CALN1: variants seen among roughly 807,000 people sequenced by gnomAD.
CALN1 encodes calcium-binding protein 8.
Under a neutral mutation model 30.6 loss-of-function variants are expected in CALN1, and 17 were observed. The observed-to-expected ratio is 0.56, with a 90% CI of 0.38 to 0.83. The LOEUF is 0.83. CALN1 is among the 40% of genes least tolerant of loss of function. The pLI is 0.00. For missense variants in CALN1, 291 were observed against 354.9 expected, an observed-to-expected ratio of 0.82 and a Z score of 1.45; for synonymous variants, 156 against 131.4, an observed-to-expected ratio of 1.19 and a Z score of -1.28.
At chr7:72,169,674 A>T (rs1303368240) in intron 3 of CALN1, among the ~76,000 whole-genome samples, 3 of 149,786 alleles carry the variant, frequency 2.0e-5, no homozygotes, top group Non-Finnish European at 4.4e-5. Flanking sequence ...TTTTTTTGTT[A>T]TTTTCTTTTT....
chr7:72,404,853 C>T (rs1013522749), intron 1 of CALN1, among the ~76,000 whole-genome samples: 2 of 152,222 alleles, frequency 1.3e-5, no homozygotes, highest in Admixed American at 6.5e-5. Context: ...GCACAGTACC[C>T]ACTGAAAGTC....
chr7:72,372,620 T>C lies in CALN1; in HGVS notation c.119+30631A>G, dbSNP rs114026536. ...TGAACAATGGAGTAGACAATAGCTT[T>C]GGTGCCAAACTAGTCACTGGCGTCA... On this transcript the variant is annotated intron_variant, in intron 2 of 6. Transcript: ENST00000395275. Among the ~76,000 whole-genome samples, 853 of 152,292 alleles carry C rather than the reference T, an allele frequency of 5.6e-3. 8 individuals carry two copies. The highest frequency in any genetic ancestry group is 0.018 in the African/African-American group (751 of 41,560).
intron 5 of CALN1, among the ~76,000 whole-genome samples, chr7:71,986,704 C>T (rs1292187524): frequency 6.6e-6 from 1 of 152,184 alleles, no homozygotes; most frequent in Non-Finnish European, 1.5e-5. Context: ...CAATATTTCA[C>T]CTCTTTAGAA....
At chr7:72,410,357 G>C in intron 1 of CALN1, among the ~76,000 whole-genome samples, 1 of 152,194 alleles carries the variant, frequency 6.6e-6, no homozygotes, top group African/African-American at 2.4e-5. Context: ...GCACAAAAAA[G>C]AAATCTAAAA....
At chr7:72,399,264 C>A (rs1443237699) in intron 2 of CALN1, among the ~76,000 whole-genome samples, 1 of 122,054 alleles carries the variant, frequency 8.2e-6, no homozygotes, top group Non-Finnish European at 1.6e-5. Context: ...TTTGTCTAAC[C>A]TATTGCTTTT....
chr7:72,450,196 C>A (rs1032801869), upstream of CALN1, among the ~76,000 whole-genome samples: 12 of 152,114 alleles, frequency 7.9e-5, no homozygotes, highest in African/African-American at 2.7e-4. Context: ...ACAGAGTAAG[C>A]TCTTGTCTTT....
chr7:71,983,146 T>C (rs1798486010), intron 5 of CALN1, among the ~76,000 whole-genome samples: 1 of 151,974 alleles, frequency 6.6e-6, no homozygotes, highest in Non-Finnish European at 1.5e-5. Context: ...CAGCTGGGAG[T>C]CCCACTCAGG....
chr7:72,310,222 GA>G (rs1799948450), intron 2 of CALN1, among the ~76,000 whole-genome samples: 1 of 151,612 alleles, frequency 6.6e-6, no homozygotes, highest in Non-Finnish European at 1.5e-5. Context: ...AAAAACCCTA[GA>G]CAGCACAATG....
intron 5 of CALN1, among the ~76,000 whole-genome samples, chr7:71,874,107 T>C (rs889186937): frequency 6.6e-6 from 1 of 151,780 alleles, no homozygotes; most frequent in African/African-American, 2.4e-5. Context: ...ACATCCCATC[T>C]CTACTAAAAA....
intron 3 of CALN1, among the ~76,000 whole-genome samples, chr7:72,180,197 T>C (rs1789662625): frequency 1.3e-5 from 2 of 152,332 alleles, no homozygotes; most frequent in Admixed American, 6.5e-5. Flanking sequence ...CAAATGGAAG[T>C]TGGCCCTAGA....
intron 2 of CALN1, among the ~76,000 whole-genome samples, chr7:72,375,520 T>A (rs1259147506): frequency 2.0e-5 from 3 of 147,690 alleles, no homozygotes; most frequent in African/African-American, 7.5e-5. Context: ...GAGCTGTGAC[T>A]GCACCACTGT....
chr7:72,314,735 G>C (rs552058935), intron 2 of CALN1, among the ~76,000 whole-genome samples: 3 of 151,250 alleles, frequency 2.0e-5, no homozygotes, highest in Admixed American at 6.6e-5. Context: ...ATTTTTAAAA[G>C]AACGCAGAGG....
At chr7:72,457,623 C>CAG in the CALN1 span, among the ~76,000 whole-genome samples, 1 of 151,962 alleles carries the variant, frequency 6.6e-6, no homozygotes, top group Non-Finnish European at 1.5e-5. Flanking sequence ...CTCCTTCTCC[C>CAG]AGAGAGAGAG....
intron 5 of CALN1, among the ~76,000 whole-genome samples, chr7:71,958,065 C>CAAAAAAAAAAAAAAAAAAA (rs56355838): frequency 1.1e-5 from 1 of 93,866 alleles, no homozygotes; most frequent in African/African-American, 4.2e-5. Flanking sequence ...AACTCCATCT[C>CAAAAAAAAAAAAAAAAAAA]AAAAAAAAAA....
chr7:72,248,657 T>A (rs1286775147), intron 3 of CALN1, among the ~76,000 whole-genome samples: 1 of 152,184 alleles, frequency 6.6e-6, no homozygotes, highest in South Asian at 2.1e-4. Flanking sequence ...CATCTCAACA[T>A]CCTAATGTAG....
chr7:71,812,973 G>A (rs1788052954), intron 5 of CALN1, among the ~76,000 whole-genome samples: 1 of 132,176 alleles, frequency 7.6e-6, no homozygotes. Flanking sequence ...ATTTGAGATG[G>A]AGTCTTGCTC....
intron 2 of CALN1, among the ~76,000 whole-genome samples, chr7:72,376,865 G>A (rs1804591442): frequency 6.6e-6 from 1 of 152,196 alleles, no homozygotes; most frequent in African/African-American, 2.4e-5. Context: ...TTTTGTATAT[G>A]TTATGAAGTA....
chr7:72,358,199 C>T (rs540039823), intron 2 of CALN1, among the ~76,000 whole-genome samples: 6 of 151,928 alleles, frequency 3.9e-5, no homozygotes, highest in African/African-American at 1.5e-4. Context: ...CACTATGTTG[C>T]CCAGGCACTG....
At chr7:72,295,343 G>C (rs1798779305) in intron 2 of CALN1, among the ~76,000 whole-genome samples, 2 of 152,056 alleles carry the variant, frequency 1.3e-5, no homozygotes, top group Admixed American at 1.3e-4. Flanking sequence ...AAATCACAGA[G>C]TGTAGCAAAG....
Sources: allele counts gnomAD v4.1 joint callset (sites outside exome capture counted in the v4.1 genomes callset), GRCh38; gene constraint gnomAD v4.1.1; transcripts MANE v1.5; gene names NCBI Gene and HGNC (gene_info 2026-07-23, HGNC 2026-07-21).